LAMA4: variants seen among roughly 807,000 people sequenced by gnomAD.
The protein encoded by LAMA4 is laminin subunit alpha-4.
A neutral mutation model predicts 207.1 loss-of-function variants in LAMA4; 127 were observed. That is an observed-to-expected ratio of 0.61 (90% CI 0.53 to 0.71). The LOEUF (loss-of-function observed/expected upper bound fraction) is 0.71, where lower values mean the gene tolerates loss of function less well. Ranked by LOEUF, LAMA4 falls within the 30% of genes least tolerant of loss-of-function variation. The pLI, the probability that LAMA4 is intolerant of heterozygous loss-of-function variation, is 0.00. For missense variants in LAMA4, 2,093 were observed against 2,246.5 expected (o/e 0.93, Z 1.38); for synonymous variants, 761 against 816.0 (o/e 0.93, Z 1.15).
chr6:112,150,238 C>T (rs1780307392), intron 17 of LAMA4, among the ~76,000 whole-genome samples: 1 of 150,390 alleles, frequency 6.6e-6, no homozygotes. Flanking sequence ...CACACACAGA[C>T]ACACACAGAC....
At chr6:112,216,772 G>A in intron 2 of LAMA4, 2 of 378,242 alleles carry the variant, frequency 5.3e-6, no homozygotes, top group Middle Eastern at 8.8e-4. Flanking sequence ...TTACGTAACA[G>A]TAAGGGAGAA....
chr6:112,148,205 A>G lies in LAMA4; in HGVS notation c.2305T>C (p.Phe769Leu), dbSNP rs1554334959. The G allele has an allele frequency of 2.5e-6, 4 of 1,614,060 alleles. No homozygotes were observed. Among genetic ancestry groups the G allele is most frequent in the Non-Finnish European group, 3.4e-6 (4 of 1,180,010 alleles). The change falls in exon 18 of 39, where the codon TTT becomes CTT. Residue 769 changes from phenylalanine (F) to leucine (L), a missense_variant. Physicochemically the swap from Phe to Leu is conservative, Grantham distance 22. This residue lies in a region of LAMA4 where 1,704 missense variants were observed against 1,788.4 expected (regional missense o/e 0.95). Coordinates refer to ENST00000230538, the MANE Select transcript of LAMA4 (RefSeq NM_001105206.3). ...LTNWSQNLQH[F>L]DSSAYNTAVN... The stretch of plus-strand genomic sequence containing the variant: ...GCAGTGTTGTAAGCAGAAGAGTCAA[A>G]ATGTTGAAGATTCTGTGACCAGTTG...
rs544303816 is a variant in LAMA4, at chr6:112,209,630, T to TC, written c.298-2486dup. ...CAACTTTGAACAAGTCTCTTGACCT[T>TC]CCTGGTTTTCTATTCCCTTATCTGC... On this transcript the variant is annotated intron_variant, in intron 3 of 38. Coordinates refer to ENST00000230538, the MANE Select transcript of LAMA4 (RefSeq NM_001105206.3). Among the ~76,000 whole-genome samples, 12 of 152,350 alleles carry TC rather than the reference T, an allele frequency of 7.9e-5. No homozygotes were observed. The South Asian group carries it at 1.7e-3, about 21-fold the overall frequency.
At chr6:112,229,699 A>C (rs1257623144) in intron 2 of LAMA4, among the ~76,000 whole-genome samples, 3 of 152,230 alleles carry the variant, frequency 2.0e-5, no homozygotes, top group South Asian at 2.1e-4. Flanking sequence ...TTGAAGTTGC[A>C]CTATCTAAAG....
chr6:112,218,053 C>A (rs1312707407), intron 2 of LAMA4: 1 of 152,040 alleles, frequency 6.6e-6, no homozygotes, highest in Non-Finnish European at 1.5e-5. Flanking sequence ...AATAATGTAC[C>A]TAAAACTTCT....
chr6:112,128,666 C>G (rs1436641311), intron 31 of LAMA4, among the ~76,000 whole-genome samples: 1 of 152,088 alleles, frequency 6.6e-6, no homozygotes, highest in East Asian at 1.9e-4. Context: ...ACATTGTATA[C>G]ATGTATTGAA....
intron 2 of LAMA4, among the ~76,000 whole-genome samples, chr6:112,220,973 C>G (rs1176913010): frequency 2.0e-5 from 3 of 152,126 alleles, no homozygotes; most frequent in Non-Finnish European, 4.4e-5. Flanking sequence ...TGCATAGATA[C>G]AGAATCTCAG....
intron 17 of LAMA4, 42 bp from the exon 18 acceptor site, chr6:112,148,378 G>T (rs782149793): frequency 5.6e-6 from 9 of 1,605,490 alleles, no homozygotes; most frequent in Admixed American, 1.7e-5. Context: ...CAGAGAAGCC[G>T]GATATTTGTT....
At chr6:112,135,984 G>A in intron 25 of LAMA4, 139 bp downstream of exon 25, 1 of 731,534 alleles carries the variant, frequency 1.4e-6, no homozygotes, top group Admixed American at 2.0e-5. Context: ...AGAAGATGAG[G>A]GTCCTTCAGT....
intron 12 of LAMA4, among the ~76,000 whole-genome samples, chr6:112,167,901 T>C (rs1245003651): frequency 6.8e-6 from 1 of 147,078 alleles, no homozygotes; most frequent in African/African-American, 2.5e-5. Flanking sequence ...CACAGAGTTA[T>C]GCATTCAGCA....
intron 3 of LAMA4, among the ~76,000 whole-genome samples, chr6:112,210,308 T>C (rs548474144): frequency 2.3e-4 from 35 of 152,290 alleles, no homozygotes; most frequent in Admixed American, 8.5e-4. Flanking sequence ...AGGTATGACT[T>C]TATAGCAGTG....
Position 112,172,600 on chromosome 6 carries a change from G to T in LAMA4, c.1551+11C>A, listed in dbSNP as rs370184597. ...ATGCTGAAATGCATTGATGGTGAGT[G>T]TCCGCTGTACCTCATGGTCCCGCTG... On this transcript the variant is annotated intron_variant, in intron 12 of 38. Coordinates refer to ENST00000230538, the MANE Select transcript of LAMA4 (RefSeq NM_001105206.3). 8 of 1,611,828 alleles carry T rather than the reference G, an allele frequency of 5.0e-6. No homozygotes were observed. The highest frequency in any genetic ancestry group is 1.3e-5 in the African/African-American group (1 of 74,858).
chr6:112,208,776 C>T (rs549891044), intron 3 of LAMA4, among the ~76,000 whole-genome samples: 25 of 152,284 alleles, frequency 1.6e-4, no homozygotes, highest in African/African-American at 5.3e-4. Context: ...GTTGAATGTT[C>T]TTCAGGCATT....
At chr6:112,205,095 T>G (rs1783984092) in intron 4 of LAMA4, among the ~76,000 whole-genome samples, 1 of 152,212 alleles carries the variant, frequency 6.6e-6, no homozygotes. Context: ...CATTCAGATT[T>G]TAAAAAGTCA....
In LAMA4 at chr6:112,175,254, A is replaced by G. The variant is rs1284164803; in HGVS notation, c.1357+59T>C. The G allele has an allele frequency of 5.9e-6, 9 of 1,537,346 alleles. No homozygotes were observed. In the South Asian group the frequency reaches 8.9e-5, roughly 15 times the overall value. On this transcript the variant is annotated intron_variant, in intron 11 of 38. Transcript: ENST00000230538. The stretch of plus-strand genomic sequence containing the variant: ...TGTTGCCCTAGGTTTAATGTCTGCT[A>G]TTGGACCCACAAAGAGGGCAAACAT...
At chr6:112,195,978 C>CTG (rs1783394407) in intron 5 of LAMA4, among the ~76,000 whole-genome samples, 1 of 83,042 alleles carries the variant, frequency 1.2e-5, no homozygotes, top group South Asian at 3.2e-4. Flanking sequence ...ACACACACTG[C>CTG]TATATATATT....
chr6:112,149,663 A>G (rs138885039), intron 17 of LAMA4, among the ~76,000 whole-genome samples: 79 of 152,294 alleles, frequency 5.2e-4, no homozygotes, highest in African/African-American at 1.8e-3. Context: ...TAAATTACCC[A>G]GTGTTGGCTA....
chr6:112,251,194 C>T (rs535066216), intron 2 of LAMA4: 2 of 152,182 alleles, frequency 1.3e-5, no homozygotes, highest in Admixed American at 6.5e-5. Context: ...GAAGCTTTGG[C>T]TTGTTTTACA....
chr6:112,115,834 C>T (rs1777985492), intron 36 of LAMA4, 29 bp downstream of exon 36: 14 of 1,608,700 alleles, frequency 8.7e-6, no homozygotes, highest in Middle Eastern at 3.3e-4. Context: ...TCAGATGAGA[C>T]AAATTGTTAA....
Sources: gnomAD v4.1 joint callset for allele counts (sites outside exome capture counted in the v4.1 genomes callset) on GRCh38, gnomAD v4.1.1 for gene constraint, gnomAD v4.1.1 regional missense constraint, MANE v1.5 for transcripts, NCBI Gene and HGNC (gene_info 2026-07-23, HGNC 2026-07-21) for gene names.